The following FAM120A variants were observed in gnomAD, a reference collection of about 807,000 sequenced individuals.
The protein encoded by FAM120A is family with sequence similarity 120 member A, also known as constitutive coactivator of PPAR-gamma-like protein 1.
Under a neutral mutation model 109.7 loss-of-function variants are expected in FAM120A, and 15 were observed. The ratio of observed to expected loss-of-function variants is 0.14; its 90% CI spans 0.09 to 0.21. The LOEUF (loss-of-function observed/expected upper bound fraction) is 0.21, where lower values mean the gene tolerates loss of function less well. FAM120A is among the 10% of genes least tolerant of loss of function. FAM120A has a pLI of 1.00. For missense variants in FAM120A, 899 were observed against 1,439.3 expected (o/e 0.62, Z 6.07); for synonymous variants, 493 against 572.8 (o/e 0.86, Z 1.99).
At chr9:93,482,550 T>TA (rs1480184845) in intron 3 of FAM120A, among the ~76,000 whole-genome samples, 1 of 152,078 alleles carries the variant, frequency 6.6e-6, no homozygotes, top group African/African-American at 2.4e-5. Context: ...CTTATTGTCT[T>TA]CAACCAGAAG....
intron 10 of FAM120A, among the ~76,000 whole-genome samples, chr9:93,535,061 G>A (rs1314161271): frequency 6.6e-6 from 1 of 152,194 alleles, no homozygotes; most frequent in Non-Finnish European, 1.5e-5. Context: ...AAACATTTAT[G>A]TCTTTTGCTA....
At chr9:93,465,752 C>G (rs941397886) in intron 1 of FAM120A, among the ~76,000 whole-genome samples, 5 of 152,254 alleles carry the variant, frequency 3.3e-5, no homozygotes, top group Admixed American at 1.3e-4. Context: ...TCATTATGGA[C>G]TTCATTTGGA....
At chr9:93,466,107 A>C (rs942886663) in intron 1 of FAM120A, among the ~76,000 whole-genome samples, 3 of 152,112 alleles carry the variant, frequency 2.0e-5, no homozygotes, top group African/African-American at 7.2e-5. Context: ...TTTGCTCTGC[A>C]GTGACCAGTT....
At chr9:93,517,280 A>G (rs920690117) in intron 7 of FAM120A, among the ~76,000 whole-genome samples, 3 of 152,256 alleles carry the variant, frequency 2.0e-5, no homozygotes, top group African/African-American at 7.2e-5. Context: ...AAAATTAATA[A>G]ATGTTTATTT....
chr9:93,528,736 T>C (rs1323819138), intron 8 of FAM120A, among the ~76,000 whole-genome samples: 1 of 152,204 alleles, frequency 6.6e-6, no homozygotes, highest in Non-Finnish European at 1.5e-5. Flanking sequence ...TTTTTGGGGC[T>C]TTTGGTTTAA....
chr9:93,474,209 A>T (rs1173924836), intron 2 of FAM120A, among the ~76,000 whole-genome samples: 1 of 152,010 alleles, frequency 6.6e-6, no homozygotes, highest in Non-Finnish European at 1.5e-5. Context: ...GTTTTTTGAG[A>T]TGGAGTCTCT....
intron 7 of FAM120A, among the ~76,000 whole-genome samples, chr9:93,516,682 T>C (rs1860610714): frequency 6.6e-6 from 1 of 151,986 alleles, no homozygotes; most frequent in Non-Finnish European, 1.5e-5. Flanking sequence ...TTCCTCTCCT[T>C]CTCCTAAACT....
Position 93,451,851 on chromosome 9 carries a change from C to T in FAM120A, c.-65C>T. 1.0e-6 allele frequency: 1 copy of T among 975,088 alleles called. No homozygotes were observed. The highest frequency in any genetic ancestry group is 1.2e-6 in the Non-Finnish European group (1 of 820,892). 60.4% of individuals were successfully genotyped at this position (975,088 alleles called of 1,614,324 possible). On this transcript the variant is annotated 5_prime_UTR_variant, in exon 1 of 18. It adds an upstream start codon to the 5' untranslated region. Coordinates refer to ENST00000277165, the MANE Select transcript of FAM120A (RefSeq NM_014612.5). Reference sequence around the variant, plus strand: ...CGCCCGCCAGCCCGCCCGCGCGCCACGGCCCCACCACCCCCGGCCCCGCCG... The same window carrying T: ...CGCCCGCCAGCCCGCCCGCGCGCCATGGCCCCACCACCCCCGGCCCCGCCG...
intron 17 of FAM120A, among the ~76,000 whole-genome samples, chr9:93,563,358 A>G (rs1328302941): frequency 6.6e-6 from 1 of 152,264 alleles, no homozygotes; most frequent in Non-Finnish European, 1.5e-5. Context: ...GAGTCAGTCT[A>G]TGACAGTGGC....
At position 93,564,460 on chromosome 9, in the gene FAM120A, C is replaced by A; in HGVS notation, c.3277C>A (p.His1093Asn). The A allele has an allele frequency of 1.2e-6, 2 of 1,614,240 alleles. No individual in the cohort carries two copies. Among genetic ancestry groups the A allele is most frequent in the East Asian group, 4.5e-5 (2 of 44,888 alleles). Reference sequence around the variant, plus strand: ...CTCTAAAACGTGCAATACAAATCCTCATTTAAATGCACTAAGTACAGACAG... The same window carrying A: ...CTCTAAAACGTGCAATACAAATCCTAATTTAAATGCACTAAGTACAGACAG... ...NDSKTCNTNP[H>N]LNALSTDSAC... The change falls in exon 18 of 18, where the codon CAT becomes AAT. Residue 1093 changes from histidine to asparagine, a missense_variant. His to Asn is a moderately conservative substitution (Grantham distance 68, BLOSUM62 1). Transcript: ENST00000277165.
Position 93,476,333 on chromosome 9 carries a change from C to T in FAM120A, c.799C>T (p.Leu267=), listed in dbSNP as rs781184794. Residue 267 remains leucine (L), a synonymous_variant, in exon 3 of 18, where the codon CTA becomes TTA. Coordinates refer to ENST00000277165, the MANE Select transcript of FAM120A (RefSeq NM_014612.5). ...LLGPEHPLAS[L]KVRAHQLVLP... ...TGGTCCAGAACATCCACTAGCCTCA[C>T]TAAAGGTACAAATTTCACTTTATTT... is the stretch of plus-strand genomic sequence containing the variant. The T allele has an allele frequency of 2.5e-6, 4 of 1,590,214 alleles. No homozygotes were observed. Among genetic ancestry groups the T allele is most frequent in the Non-Finnish European group, 3.4e-6 (4 of 1,159,532 alleles).
At chr9:93,461,477 A>G (rs1195580254) in intron 1 of FAM120A, among the ~76,000 whole-genome samples, 1 of 152,198 alleles carries the variant, frequency 6.6e-6, no homozygotes, top group East Asian at 1.9e-4. Context: ...AAATTATGAA[A>G]ATTGAAATTT....
At chr9:93,499,735 A>C (rs1564329148) in intron 5 of FAM120A, among the ~76,000 whole-genome samples, 1 of 152,244 alleles carries the variant, frequency 6.6e-6, no homozygotes, top group Non-Finnish European at 1.5e-5. Context: ...AATAGACCCC[A>C]ACTCTCATTT....
chr9:93,560,192 G>A (rs1205040187), intron 15 of FAM120A, among the ~76,000 whole-genome samples: 5 of 152,142 alleles, frequency 3.3e-5, no homozygotes, highest in African/African-American at 1.2e-4. Flanking sequence ...CTACTCAGGA[G>A]GCTGAGGCGG....
intron 3 of FAM120A, among the ~76,000 whole-genome samples, chr9:93,481,720 C>T (rs1564318197): frequency 6.6e-6 from 1 of 152,196 alleles, no homozygotes; most frequent in Non-Finnish European, 1.5e-5. Context: ...ACTTCACTAC[C>T]AGCAGTTCTA....
At chr9:93,562,090 G>A (rs1862488708) in intron 16 of FAM120A, 118 bp from the exon 17 acceptor site, 1 of 845,604 alleles carries the variant, frequency 1.2e-6, no homozygotes, top group East Asian at 2.7e-5. Flanking sequence ...GCATAAATGG[G>A]TTAATTCAGT....
intron 3 of FAM120A, among the ~76,000 whole-genome samples, chr9:93,496,919 A>G (rs1353951106): frequency 6.6e-6 from 1 of 152,226 alleles, no homozygotes; most frequent in African/African-American, 2.4e-5. Context: ...GCCCCTCAAC[A>G]GGCAGTGATA....
intron 3 of FAM120A, among the ~76,000 whole-genome samples, chr9:93,481,876 G>A (rs1858826207): frequency 6.6e-6 from 1 of 152,010 alleles, no homozygotes; most frequent in Non-Finnish European, 1.5e-5. Context: ...GGTTATCCTA[G>A]GGCCAGGCTG....
chr9:93,501,731 C>T (rs1006667082), intron 5 of FAM120A, among the ~76,000 whole-genome samples: 2 of 152,156 alleles, frequency 1.3e-5, no homozygotes, highest in African/African-American at 2.4e-5. Flanking sequence ...AGGAGACAAG[C>T]CTGGAGAGAG....
Sources: allele counts gnomAD v4.1 joint callset (sites outside exome capture counted in the v4.1 genomes callset), GRCh38; gene constraint gnomAD v4.1.1; transcripts MANE v1.5; gene names NCBI Gene and HGNC (gene_info 2026-07-23, HGNC 2026-07-21).